The following EYS variants were observed in gnomAD, a reference collection of about 807,000 sequenced individuals.
EYS encodes the protein protein eyes shut homolog.
A neutral mutation model predicts 282.1 loss-of-function variants in EYS; 250 were observed. The ratio of observed to expected loss-of-function variants is 0.89; its 90% CI spans 0.80 to 0.98. EYS has a LOEUF of 0.98. EYS is among the 50% of genes least tolerant of loss of function. The pLI, the probability that EYS is intolerant of heterozygous loss-of-function variation, is 0.00. For missense variants in EYS, 4,016 were observed against 3,709.0 expected (o/e 1.08, Z -2.15); for synonymous variants, 1,355 against 1,282.9 (o/e 1.06, Z -1.20).
intron 22 of EYS, among the ~76,000 whole-genome samples, chr6:64,651,117 A>C (rs1768542364): frequency 2.0e-5 from 3 of 152,244 alleles, no homozygotes; most frequent in Non-Finnish European, 2.9e-5. Context: ...TAACTTAAAA[A>C]TTGGTTTCAA....
In EYS at chr6:64,362,133, T is replaced by A. The variant is rs1772032592; in HGVS notation, c.6078+26557A>T. Among the ~76,000 whole-genome samples, 3 of 151,788 alleles carry A rather than the reference T, an allele frequency of 2.0e-5. No homozygotes were observed. The South Asian group carries it at 6.2e-4, about 31-fold the overall frequency. ...TGCTGCCATTTATCTCCTCATAATT[T>A]TATAGAAAAGCTTCAGCTTCAACAT... On this transcript the variant is annotated intron_variant, in intron 29 of 42. Coordinates refer to ENST00000503581, the MANE Select transcript of EYS (RefSeq NM_001142800.2).
chr6:65,111,547 C>A (rs1436594946), intron 12 of EYS, among the ~76,000 whole-genome samples: 1 of 152,142 alleles, frequency 6.6e-6, no homozygotes, highest in Non-Finnish European at 1.5e-5. Flanking sequence ...GGACTGCCTG[C>A]CAAAATGGCA....
chr6:65,373,763 T>C (rs984307007), intron 8 of EYS, among the ~76,000 whole-genome samples: 2 of 152,130 alleles, frequency 1.3e-5, no homozygotes, highest in African/African-American at 4.8e-5. Flanking sequence ...TTAATTTTCC[T>C]TTACAATAAA....
intron 1 of EYS, among the ~76,000 whole-genome samples, chr6:65,670,401 G>A (rs770306342): frequency 1.3e-5 from 2 of 151,970 alleles, no homozygotes; most frequent in African/African-American, 2.4e-5. Context: ...TCAACATTCT[G>A]TTAAGGTTTC....
chr6:65,623,287 A>C (rs1319175012), intron 2 of EYS, among the ~76,000 whole-genome samples: 1 of 152,184 alleles, frequency 6.6e-6, no homozygotes, highest in Non-Finnish European at 1.5e-5. Flanking sequence ...GTCATCATCC[A>C]GGAGGAACTA....
At chr6:63,878,642 G>C (rs1387602552) in intron 35 of EYS, among the ~76,000 whole-genome samples, 4 of 152,144 alleles carry the variant, frequency 2.6e-5, no homozygotes, top group African/African-American at 4.8e-5. Flanking sequence ...GAGCTTCCTG[G>C]CTGCTTTGTT....
chr6:64,111,063 C>A (rs1773187739), intron 31 of EYS, among the ~76,000 whole-genome samples: 1 of 151,954 alleles, frequency 6.6e-6, no homozygotes, highest in African/African-American at 2.4e-5. Context: ...AATGCTGTCA[C>A]AAGGGCCTAG....
chr6:65,235,123 A>C (rs752659336), intron 12 of EYS, among the ~76,000 whole-genome samples: 1 of 152,210 alleles, frequency 6.6e-6, no homozygotes, highest in Non-Finnish European at 1.5e-5. Context: ...GAAAATATTC[A>C]GTATATGAGC....
intron 29 of EYS, among the ~76,000 whole-genome samples, chr6:64,358,954 C>T (rs1487016515): frequency 1.3e-5 from 2 of 151,602 alleles, no homozygotes; most frequent in Non-Finnish European, 3.0e-5. Flanking sequence ...CCCTTTCATA[C>T]AATATCCTAT....
At chr6:65,685,594 T>G (rs1489327722) in intron 1 of EYS, among the ~76,000 whole-genome samples, 2 of 152,050 alleles carry the variant, frequency 1.3e-5, no homozygotes, top group Non-Finnish European at 2.9e-5. Flanking sequence ...TCAACCTTCA[T>G]TCCCTGTTCA....
chr6:64,920,946 C>T (rs1028203837), intron 15 of EYS, among the ~76,000 whole-genome samples: 5 of 152,088 alleles, frequency 3.3e-5, no homozygotes, highest in African/African-American at 1.2e-4. Flanking sequence ...TTTAAACTCC[C>T]AGTTTAATAA....
At chr6:65,321,224 G>A (rs1385413923) in intron 11 of EYS, among the ~76,000 whole-genome samples, 2 of 150,890 alleles carry the variant, frequency 1.3e-5, no homozygotes, top group African/African-American at 4.9e-5. Context: ...CAAGAAATAT[G>A]ATTCTTCTTG....
chr6:65,271,529 T>C (rs1447123586), intron 12 of EYS, among the ~76,000 whole-genome samples: 1 of 152,028 alleles, frequency 6.6e-6, no homozygotes, highest in Non-Finnish European at 1.5e-5. Flanking sequence ...CCAGAAATAA[T>C]GTTTAACCAG....
intron 35 of EYS, among the ~76,000 whole-genome samples, chr6:63,974,515 A>C (rs1766740156): frequency 6.6e-6 from 1 of 152,018 alleles, no homozygotes; most frequent in Non-Finnish European, 1.5e-5. Flanking sequence ...GCCCAGGAAG[A>C]TCAATCAGGG....
chr6:65,039,053 A>G (rs754006709), intron 13 of EYS, among the ~76,000 whole-genome samples: 14 of 151,372 alleles, frequency 9.2e-5, no homozygotes, highest in Non-Finnish European at 1.8e-4. Context: ...TTTTTCTTTA[A>G]TGATTATTGC....
chr6:64,468,522 G>A (rs1350969161), intron 26 of EYS, among the ~76,000 whole-genome samples: 1 of 152,144 alleles, frequency 6.6e-6, no homozygotes, highest in Non-Finnish European at 1.5e-5. Flanking sequence ...TTTATTTTAT[G>A]TTCAGGGGTA....
chr6:65,632,511 G>C (rs935637746), intron 2 of EYS, among the ~76,000 whole-genome samples: 1 of 152,110 alleles, frequency 6.6e-6, no homozygotes. Flanking sequence ...GAGCTCCCTT[G>C]GTGCGGGTGA....
At chr6:65,161,906 A>G (rs1764858601) in intron 12 of EYS, among the ~76,000 whole-genome samples, 1 of 151,186 alleles carries the variant, frequency 6.6e-6, no homozygotes, top group Non-Finnish European at 1.5e-5. Context: ...TTCTGTATAA[A>G]TTGAAATATT....
At chr6:64,950,218 A>C (rs1769437960) in intron 14 of EYS, among the ~76,000 whole-genome samples, 1 of 152,002 alleles carries the variant, frequency 6.6e-6, no homozygotes, top group Admixed American at 6.6e-5. Flanking sequence ...AGAAAATCAC[A>C]CTAAACCAGT....
Sources: allele counts gnomAD v4.1 joint callset (sites outside exome capture counted in the v4.1 genomes callset), GRCh38; gene constraint gnomAD v4.1.1; transcripts MANE v1.5; gene names NCBI Gene and HGNC (gene_info 2026-07-23, HGNC 2026-07-21).